Variants in GCSAML observed in about 807,000 individuals in gnomAD.
GCSAML encodes germinal center associated signaling and motility like.
A neutral mutation model predicts 13.0 loss-of-function variants in GCSAML; 9 were observed. The ratio of observed to expected loss-of-function variants is 0.69; its 90% confidence interval spans 0.42 to 1.21. The LOEUF (loss-of-function observed/expected upper bound fraction) is 1.21, where lower values mean the gene tolerates loss of function less well. GCSAML is among the 50% of genes most tolerant of loss of function. The probability of loss-of-function intolerance (pLI) is 0.00; values close to 1 mark genes in which losing one functional copy is unlikely to be tolerated. For missense variants in GCSAML, 143 were observed against 153.4 expected (o/e 0.93, Z 0.36); for synonymous variants, 37 against 52.9 (o/e 0.70, Z 1.31).
At position 247,526,291 on chromosome 1, in the gene GCSAML, T is replaced by A. The variant is rs985824718; in HGVS notation, c.-262-649T>A. The A allele has an allele frequency of 2.6e-5, 4 of 152,216 alleles. No individual in the cohort carries two copies. The highest frequency in any genetic ancestry group is 5.9e-5 in the Non-Finnish European group (4 of 68,030). 9.4% of individuals were successfully genotyped at this position (152,216 alleles called of 1,614,324 possible). On this transcript the variant is annotated intron_variant, in intron 1 of 5. Transcript: ENST00000366489. The surrounding 1 kb of genome is among the most constrained non-coding windows in gnomAD (Gnocchi z 4.8). ...GATTATAATTTTTAAAGTTTATATT[T>A]TTTACTCTATCTGGCTCATAATACC...
intron 1 of GCSAML, among the ~76,000 whole-genome samples, chr1:247,521,389 T>C (rs1237343241): frequency 4.4e-5 from 4 of 91,868 alleles, no homozygotes; most frequent in Non-Finnish European, 1.0e-4. Context: ...CTCTCCACGG[T>C]CTCCCTCTCC....
chr1:247,569,190 C>G (rs558463883), intron 4 of GCSAML, among the ~76,000 whole-genome samples: 53 of 152,192 alleles, frequency 3.5e-4, no homozygotes, highest in African/African-American at 7.7e-4. Flanking sequence ...ATTTGAATAC[C>G]CTTTATTTCT....
chr1:247,539,431 C>T (rs542348716), intron 2 of GCSAML, among the ~76,000 whole-genome samples: 18 of 152,248 alleles, frequency 1.2e-4, no homozygotes, highest in African/African-American at 1.7e-4. Flanking sequence ...AGTTGACCCT[C>T]GTTCCTGAAA....
intron 2 of GCSAML, among the ~76,000 whole-genome samples, chr1:247,563,185 T>C (rs191777223): frequency 5.9e-5 from 9 of 152,224 alleles, no homozygotes; most frequent in Admixed American, 5.2e-4. Flanking sequence ...AAGGTTTTAG[T>C]TAGAATTCGT....
At chr1:247,566,299 G>C (rs1668362499) in intron 4 of GCSAML, among the ~76,000 whole-genome samples, 1 of 152,184 alleles carries the variant, frequency 6.6e-6, no homozygotes, top group South Asian at 2.1e-4. Flanking sequence ...CTGGGGTGCA[G>C]TGGCACGATC....
intron 2 of GCSAML, among the ~76,000 whole-genome samples, chr1:247,557,026 G>A (rs1455290163): frequency 6.6e-6 from 1 of 151,996 alleles, no homozygotes. Flanking sequence ...TCACTTTAGG[G>A]CATTTCTACA....
chr1:247,547,340 T>C (rs554601641), upstream of GCSAML, among the ~76,000 whole-genome samples: 5 of 152,324 alleles, frequency 3.3e-5, no homozygotes, highest in Admixed American at 2.6e-4. Flanking sequence ...CTATCCATTC[T>C]GCAGATGGAG....
intron 3 of GCSAML, 149 bp downstream of exon 3, chr1:247,563,788 C>T: frequency 2.2e-6 from 1 of 456,792 alleles, no homozygotes; most frequent in Non-Finnish European, 4.0e-6. Flanking sequence ...TCACATCATT[C>T]TTGGTATTAA....
At position 247,574,793 on chromosome 1, in the gene GCSAML, G is replaced by T; in HGVS notation, c.*411G>T. ...TAGGAAGGGAGGTGAGACACACCTT[G>T]TTATACCCCTTCCCTTTTGGAGTTT... On this transcript the variant is annotated 3_prime_UTR_variant, in exon 5 of 5. Coordinates refer to ENST00000366488, the MANE Select transcript of GCSAML (RefSeq NM_145278.5). 4.9e-6 allele frequency: 1 copy of T among 204,264 alleles called. No individual in the cohort carries two copies. Among genetic ancestry groups the T allele is most frequent in the Admixed American group, 5.3e-5 (1 of 18,990 alleles). The allele number at this position is 204,264 out of a possible 1,614,324, so 12.7% of individuals were successfully genotyped here.
chr1:247,537,797 T>C (rs904785688), intron 2 of GCSAML, among the ~76,000 whole-genome samples: 5 of 152,210 alleles, frequency 3.3e-5, no homozygotes, highest in African/African-American at 1.2e-4. Flanking sequence ...TTACTTGTCT[T>C]CTTTGGAAAA....
At chr1:247,533,139 T>C (rs1572322068) in intron 2 of GCSAML, among the ~76,000 whole-genome samples, 1 of 152,148 alleles carries the variant, frequency 6.6e-6, no homozygotes, top group South Asian at 2.1e-4. Flanking sequence ...CCACCCCTGC[T>C]CCTGCCACTC....
chr1:247,566,424 T>G (rs1292837123), intron 4 of GCSAML, among the ~76,000 whole-genome samples: 1 of 152,110 alleles, frequency 6.6e-6, no homozygotes, highest in East Asian at 1.9e-4. Context: ...TTATTTTTAG[T>G]AGAGACAGGG....
intron 2 of GCSAML, chr1:247,534,015 C>T (rs1279777413): frequency 6.6e-6 from 1 of 152,240 alleles, no homozygotes; most frequent in Non-Finnish European, 1.5e-5. Flanking sequence ...GACATCCACA[C>T]ACCCCCTTCC....
At chr1:247,524,312 G>T (rs1181221011) in intron 1 of GCSAML, among the ~76,000 whole-genome samples, 3 of 152,068 alleles carry the variant, frequency 2.0e-5, no homozygotes, top group Non-Finnish European at 2.9e-5. Flanking sequence ...TACACATGTA[G>T]CCCTTCCTCT....
chr1:247,512,837 A>T (rs1666086984), intron 1 of GCSAML, among the ~76,000 whole-genome samples: 2 of 152,136 alleles, frequency 1.3e-5, no homozygotes, highest in Admixed American at 1.3e-4. Context: ...TATCACCAGC[A>T]GAGGCTGCAG....
chr1:247,562,714 G>A (rs912271744), intron 2 of GCSAML, among the ~76,000 whole-genome samples: 2 of 152,064 alleles, frequency 1.3e-5, no homozygotes, highest in African/African-American at 4.8e-5. Context: ...GAAATAAAAG[G>A]TGATATGCTG....
At chr1:247,553,793 G>A (rs1667858671) in intron 1 of GCSAML, among the ~76,000 whole-genome samples, 1 of 152,186 alleles carries the variant, frequency 6.6e-6, no homozygotes, top group Non-Finnish European at 1.5e-5. Context: ...TGTTAATAAG[G>A]ACCAAACATT....
intron 1 of GCSAML, among the ~76,000 whole-genome samples, chr1:247,512,227 T>C (rs1666065667): frequency 6.6e-6 from 1 of 152,092 alleles, no homozygotes; most frequent in Non-Finnish European, 1.5e-5. Flanking sequence ...TTTTCTATAA[T>C]CTTTGTCTTC....
At position 247,525,010 on chromosome 1, in the gene GCSAML, T is replaced by A. The variant is rs576702812; in HGVS notation, c.-262-1930T>A. ...TAAGATTTGCAAGTAAAACTAAAGT[T>A]ACTAACAAAATCAAATGTTAGTGAA... is the stretch of plus-strand genomic sequence containing the variant. On this transcript the variant is annotated intron_variant, in intron 1 of 5. Coordinates refer to the GCSAML transcript ENST00000366489. 6.6e-5 allele frequency: 10 copies of A among 152,324 alleles called. No homozygotes were observed. In the South Asian group the frequency reaches 2.1e-3, roughly 32 times the overall value. The allele number at this position is 152,324 out of a possible 1,614,324, so 9.4% of individuals were successfully genotyped here.
Sources: gnomAD v4.1 joint callset for allele counts (sites outside exome capture counted in the v4.1 genomes callset) on GRCh38, gnomAD v4.1.1 for gene constraint, Gnocchi (gnomAD v3.1) non-coding constraint, MANE v1.5 for transcripts, NCBI Gene and HGNC (gene_info 2026-07-23, HGNC 2026-07-21) for gene names.